Variants in NELL1 observed in about 807,000 individuals in gnomAD.
NELL1 encodes the protein protein kinase C-binding protein NELL1.
NELL1 carries 76 observed loss-of-function variants against 107.4 expected under a neutral mutation model. The observed-to-expected ratio is 0.71, with a 90% CI of 0.59 to 0.86. The LOEUF is 0.86. Ranked by LOEUF, NELL1 falls within the 40% of genes least tolerant of loss-of-function variation. The pLI, the probability that NELL1 is intolerant of heterozygous loss-of-function variation, is 0.00. For missense variants in NELL1, 1,024 were observed against 1,005.5 expected (o/e 1.02, Z -0.25); for synonymous variants, 353 against 341.2 (o/e 1.03, Z -0.38).
chr11:21,486,347 A>G (rs2133907845), intron 15 of NELL1, among the ~76,000 whole-genome samples: 1 of 152,322 alleles, frequency 6.6e-6, no homozygotes, highest in Middle Eastern at 3.4e-3. Context: ...TAAGCCACTG[A>G]GGAAATTGCA....
At chr11:21,438,162 T>C (rs1333979751) in intron 15 of NELL1, among the ~76,000 whole-genome samples, 1 of 152,208 alleles carries the variant, frequency 6.6e-6, no homozygotes, top group African/African-American at 2.4e-5. Flanking sequence ...AGTGCCACTC[T>C]ATTGATAATA....
At chr11:20,966,040 C>A (rs2134222159) in intron 12 of NELL1, among the ~76,000 whole-genome samples, 1 of 152,232 alleles carries the variant, frequency 6.6e-6, no homozygotes, top group Admixed American at 6.5e-5. Flanking sequence ...ATCTACATAG[C>A]CCAGTTTCTT....
At chr11:21,442,019 A>T (rs1426399161) in intron 15 of NELL1, among the ~76,000 whole-genome samples, 1 of 152,234 alleles carries the variant, frequency 6.6e-6, no homozygotes, top group African/African-American at 2.4e-5. Context: ...GGTTCCTATG[A>T]TGTAAGTCCA....
At chr11:20,991,649 G>A (rs941817160) in intron 12 of NELL1, among the ~76,000 whole-genome samples, 31 of 152,050 alleles carry the variant, frequency 2.0e-4, no homozygotes, top group Non-Finnish European at 4.4e-5. Context: ...GCCTCGGATT[G>A]GTCGTTTGTT....
chr11:20,933,483 G>T (rs1490075988), intron 9 of NELL1, among the ~76,000 whole-genome samples: 2 of 152,184 alleles, frequency 1.3e-5, no homozygotes, highest in South Asian at 4.1e-4. Context: ...GGTACAACTA[G>T]TTTGATGTGG....
chr11:20,982,728 G>A (rs1195582462), intron 12 of NELL1, among the ~76,000 whole-genome samples: 4 of 152,224 alleles, frequency 2.6e-5, no homozygotes, highest in African/African-American at 9.6e-5. Context: ...ATTAAAGACA[G>A]AATTTTAATA....
At chr11:20,800,945 A>G (rs1857269677) in intron 3 of NELL1, among the ~76,000 whole-genome samples, 1 of 152,202 alleles carries the variant, frequency 6.6e-6, no homozygotes, top group Non-Finnish European at 1.5e-5. Context: ...GTATCCTTCC[A>G]CAATTAAAAA....
intron 12 of NELL1, among the ~76,000 whole-genome samples, chr11:21,110,994 T>C (rs767635106): frequency 1.3e-5 from 2 of 152,146 alleles, no homozygotes; most frequent in Non-Finnish European, 2.9e-5. Context: ...ATTTTTCCAG[T>C]TTCATTTCAA....
intron 2 of NELL1, among the ~76,000 whole-genome samples, chr11:20,726,690 G>A (rs1855516042): frequency 6.6e-6 from 1 of 152,056 alleles, no homozygotes; most frequent in Non-Finnish European, 1.5e-5. Flanking sequence ...TTGGTTTGCT[G>A]CACCCATCAA....
chr11:21,468,156 G>A (rs149555132), intron 15 of NELL1, among the ~76,000 whole-genome samples: 4 of 152,046 alleles, frequency 2.6e-5, no homozygotes, highest in East Asian at 1.9e-4. Flanking sequence ...TGAAGATTCA[G>A]TTTATTATTC....
chr11:20,947,449 G>C lies in NELL1; in HGVS notation c.1171+14G>C, dbSNP rs375057595. On this transcript the variant is annotated intron_variant, in intron 11 of 19. Coordinates refer to ENST00000357134, the MANE Select transcript of NELL1 (RefSeq NM_006157.5). ...GTGTCTGTAGAGGTAAGTGGGCTTG[G>C]TGGTGGGCCATGCGTGGGGTGAGGC... The C allele has an allele frequency of 1.2e-6, 2 of 1,602,760 alleles. No homozygotes were observed. The highest frequency in any genetic ancestry group is 1.7e-6 in the Non-Finnish European group (2 of 1,169,848).
At chr11:20,729,442 T>A (rs540380227) in intron 2 of NELL1, among the ~76,000 whole-genome samples, 19 of 152,274 alleles carry the variant, frequency 1.2e-4, no homozygotes, top group Non-Finnish European at 2.2e-4. Context: ...TGGTTATGGA[T>A]TTGTCATAGA....
At position 21,401,549 on chromosome 11, in the gene NELL1, T is replaced by C. The variant is rs1055184049; in HGVS notation, c.1645+30601T>C. On this transcript the variant is annotated intron_variant, in intron 15 of 19. Transcript: ENST00000357134. ...GTGACACTAGCCAAAAAGTGCAAAC[T>C]GACACAAAAATGAGGCAGGGTTGGT... Among the ~76,000 whole-genome samples the C allele has an allele frequency of 1.3e-5, 2 of 150,422 alleles. 1 individual carries two copies. Among genetic ancestry groups the C allele is most frequent in the African/African-American group, 5.0e-5 (2 of 40,212 alleles).
At chr11:20,705,658 G>A (rs1394131241) in intron 2 of NELL1, among the ~76,000 whole-genome samples, 3 of 142,986 alleles carry the variant, frequency 2.1e-5, no homozygotes, top group Non-Finnish European at 4.6e-5. Context: ...AGCCAAAATT[G>A]ACAAATGGGA....
intron 15 of NELL1, among the ~76,000 whole-genome samples, chr11:21,460,066 G>C (rs1431972886): frequency 1.3e-5 from 2 of 152,046 alleles, no homozygotes; most frequent in Admixed American, 6.6e-5. Flanking sequence ...GGAGATAGAG[G>C]GATTCTGTGA....
intron 12 of NELL1, among the ~76,000 whole-genome samples, chr11:21,104,705 A>G (rs1409725384): frequency 6.6e-6 from 1 of 152,210 alleles, no homozygotes; most frequent in African/African-American, 2.4e-5. Flanking sequence ...TGATGTTAAA[A>G]TTCATTTCAC....
At chr11:20,765,132 TG>T (rs1168391811) in intron 2 of NELL1, among the ~76,000 whole-genome samples, 1 of 151,410 alleles carries the variant, frequency 6.6e-6, no homozygotes, top group Non-Finnish European at 1.5e-5. Flanking sequence ...CACTCTAGCC[TG>T]GGTGACAGAG....
chr11:20,892,062 A>G (rs572340461), intron 5 of NELL1, among the ~76,000 whole-genome samples: 34 of 152,194 alleles, frequency 2.2e-4, no homozygotes, highest in Middle Eastern at 3.2e-3. Flanking sequence ...CAGAATATAC[A>G]TTCTTCTCAG....
chr11:20,960,455 C>A lies in NELL1; in HGVS notation c.1195C>A (p.Pro399Thr). 2 of 1,613,746 alleles carry A rather than the reference C, an allele frequency of 1.2e-6. No individual in the cohort carries two copies. The highest frequency in any genetic ancestry group is 1.7e-6 in the Non-Finnish European group (2 of 1,179,828). Reference protein sequence around the residue: ...CRGHNFCAEGPKCGENSECKN... With the variant: ...CRGHNFCAEGTKCGENSECKN... Reference sequence around the variant, plus strand: ...AGGTCATAACTTTTGTGCAGAAGGACCTAAATGTGGTGAAAACTCAGAGTG... The same window carrying A: ...AGGTCATAACTTTTGTGCAGAAGGAACTAAATGTGGTGAAAACTCAGAGTG... Residue 399 changes from proline (P) to threonine (T), a missense_variant, in exon 12 of 20, where the codon CCT becomes ACT. Coordinates refer to ENST00000357134, the MANE Select transcript of NELL1 (RefSeq NM_006157.5).
Sources: gnomAD v4.1 joint callset for allele counts (sites outside exome capture counted in the v4.1 genomes callset) on GRCh38, gnomAD v4.1.1 for gene constraint, MANE v1.5 for transcripts, NCBI Gene and HGNC (gene_info 2026-07-23, HGNC 2026-07-21) for gene names.